Variants in VWA3A observed in about 807,000 individuals in gnomAD.
VWA3A encodes the protein von Willebrand factor A domain-containing protein 3A.
A neutral mutation model predicts 160.4 loss-of-function variants in VWA3A; 134 were observed. The ratio of observed to expected loss-of-function variants is 0.84; its 90% confidence interval spans 0.73 to 0.96. The LOEUF is 0.96. Ranked by LOEUF, VWA3A falls within the 40% of genes least tolerant of loss-of-function variation. VWA3A has a pLI of 0.00. For synonymous variants in VWA3A, 476 were observed against 543.4 expected (o/e 0.88, Z 1.72); for missense variants, 1,310 against 1,447.9 (o/e 0.90, Z 1.55).
chr16:22,144,401 A>G lies in VWA3A; in HGVS notation c.2730+17A>G. The G allele has an allele frequency of 6.2e-7, 1 of 1,610,328 alleles. No homozygotes were observed. The highest frequency in any genetic ancestry group is 1.1e-5 in the South Asian group (1 of 90,302). ...GAGATCCATGTAAGTCACAATTTTC[A>G]TCATCGTCTTTTTTTTCTCCCCCAA... On this transcript the variant is annotated intron_variant, in intron 26 of 33. Coordinates refer to ENST00000389398, the MANE Select transcript of VWA3A (RefSeq NM_173615.5).
intron 3 of VWA3A, 139 bp downstream of exon 3, chr16:22,097,834 T>A: frequency 8.4e-7 from 1 of 1,188,488 alleles, no homozygotes; most frequent in East Asian, 2.6e-5. Context: ...TTATCTCTAA[T>A]CCTCTGCCTT....
At chr16:22,143,074 T>G (rs1221019477) in intron 25 of VWA3A, among the ~76,000 whole-genome samples, 1 of 147,440 alleles carries the variant, frequency 6.8e-6, no homozygotes, top group Non-Finnish European at 1.5e-5. Context: ...CACTTGAAAC[T>G]GGGAGGTGGA....
At chr16:22,092,707 C>T in intron 1 of VWA3A, 56 bp downstream of exon 1, 1 of 1,546,564 alleles carries the variant, frequency 6.5e-7, no homozygotes, top group Non-Finnish European at 8.7e-7. Flanking sequence ...TCGGGGAGGC[C>T]AGATACTAAG....
In VWA3A at chr16:22,152,424, G is replaced by A. The variant is rs188653586; in HGVS notation, c.3282-87G>A. 1,510 of 1,537,430 alleles carry A rather than the reference G, an allele frequency of 9.8e-4. 13 individuals carry two copies. In the African/African-American group the frequency reaches 0.018, roughly 19 times the overall value. ...AGGCTGATTTCTCTTAAGCCCCACG[G>A]ACTTAAGTTCCCCATGGACGTGGGG... On this transcript the variant is annotated intron_variant, in intron 30 of 33. Transcript: ENST00000389398.
intron 3 of VWA3A, among the ~76,000 whole-genome samples, chr16:22,098,198 C>T (rs1005308929): frequency 6.6e-6 from 1 of 152,174 alleles, no homozygotes; most frequent in African/African-American, 2.4e-5. Context: ...CAGTGGCAAT[C>T]AGTGGTTGCC....
At chr16:22,138,899 G>T (rs1277186465) in intron 22 of VWA3A, among the ~76,000 whole-genome samples, 2 of 152,096 alleles carry the variant, frequency 1.3e-5, no homozygotes, top group Non-Finnish European at 2.9e-5. Context: ...ACTTTGCAGA[G>T]GCTGATAGGA....
At position 22,150,818 on chromosome 16, in the gene VWA3A, C is replaced by T. The variant is rs764263648; in HGVS notation, c.3253C>T (p.His1085Tyr). ...KLREKRDVKV[H>Y]TISLNCSDRA... ...CAGGGAGAAAAGAGATGTGAAAGTGCACACCATTTCCTTGAACTGCTCAGA... is the reference window on the plus strand; with the variant it reads ...CAGGGAGAAAAGAGATGTGAAAGTGTACACCATTTCCTTGAACTGCTCAGA... Residue 1085 changes from histidine to tyrosine, a missense_variant, in exon 30 of 34, where the codon CAC becomes TAC. His to Tyr is a moderately conservative substitution (Grantham distance 83). Coordinates refer to ENST00000389398, the MANE Select transcript of VWA3A (RefSeq NM_173615.5). 1 of 1,613,516 alleles carries T rather than the reference C, an allele frequency of 6.2e-7. No individual in the cohort carries two copies. Among genetic ancestry groups the T allele is most frequent in the South Asian group, 1.1e-5 (1 of 90,912 alleles).
At chr16:22,146,367 A>T (rs1487942598) in intron 27 of VWA3A, 23 bp downstream of exon 27, 2 of 1,601,454 alleles carry the variant, frequency 1.2e-6, no homozygotes, top group Non-Finnish European at 1.7e-6. Context: ...ACTGCCCTGA[A>T]GGGTGGAGGA....
intron 6 of VWA3A, among the ~76,000 whole-genome samples, chr16:22,107,761 G>A (rs1471515411): frequency 6.6e-6 from 1 of 152,134 alleles, no homozygotes; most frequent in Non-Finnish European, 1.5e-5. Context: ...TAAGCCTGGA[G>A]TGGGACCTGA....
At chr16:22,115,923 A>AAGGAAGGAAGGAAGGAAGGAAGG (rs1156229417) in intron 9 of VWA3A, among the ~76,000 whole-genome samples, 3 of 19,560 alleles carry the variant, frequency 1.5e-4, no homozygotes, top group Admixed American at 6.3e-4. Flanking sequence ...GGAAGGAAGG[A>AAGGAAGGAAGGAAGGAAGGAAGG]AAGGAAAGGA....
In VWA3A at chr16:22,149,829, G is replaced by A; in HGVS notation, c.3027G>A (p.Gln1009=). Residue 1009 remains glutamine, a synonymous_variant, in exon 29 of 34, where the codon CAG becomes CAA. Transcript: ENST00000389398. ...LSFAESFQSW[Q]DTLVETTDAA... ...TTGCAGAGAGCTTTCAGTCATGGCA[G>A]GACACGCTGGTGGAGACCACAGATG... 6.2e-7 allele frequency: 1 copy of A among 1,603,430 alleles called. No homozygotes were observed. The highest frequency in any genetic ancestry group is 1.1e-5 in the South Asian group (1 of 88,738).
chr16:22,129,430 T>C lies in VWA3A; in HGVS notation c.1653-1775T>C, dbSNP rs1598081258. ...AGAAAGAAAGAAAGAAAGAAAGAGGTGCATGGAAGAGATTTTGGGGAGTTA... is the reference window on the plus strand; with the variant it reads ...AGAAAGAAAGAAAGAAAGAAAGAGGCGCATGGAAGAGATTTTGGGGAGTTA... On this transcript the variant is annotated intron_variant, in intron 17 of 33. Transcript: ENST00000389398. Among the ~76,000 whole-genome samples the C allele has an allele frequency of 4.5e-5, 6 of 132,846 alleles. No homozygotes were observed. In the South Asian group the frequency reaches 1.4e-3, roughly 32 times the overall value. The allele number at this position is 132,846 out of a possible 152,430, so 87.2% of individuals were successfully genotyped here.
intron 25 of VWA3A, among the ~76,000 whole-genome samples, chr16:22,143,250 A>T (rs1175847410): frequency 3.3e-5 from 5 of 152,030 alleles, no homozygotes; most frequent in Admixed American, 2.0e-4. Flanking sequence ...TAGGTCTGCC[A>T]CTTCCTGCCT....
At chr16:22,131,040 T>C (rs1341383081) in intron 17 of VWA3A, among the ~76,000 whole-genome samples, 165 bp from the exon 18 acceptor site, 1 of 152,154 alleles carries the variant, frequency 6.6e-6, no homozygotes, top group Non-Finnish European at 1.5e-5. Context: ...TTGGGACATA[T>C]GACCCACAAG....
chr16:22,120,201 T>A (rs2045709031), intron 12 of VWA3A, among the ~76,000 whole-genome samples: 2 of 152,118 alleles, frequency 1.3e-5, no homozygotes, highest in South Asian at 2.1e-4. Context: ...AGAAATAGAT[T>A]GAGTTTGGAT....
At chr16:22,129,319 G>A (rs543200291) in intron 17 of VWA3A, among the ~76,000 whole-genome samples, 3 of 151,022 alleles carry the variant, frequency 2.0e-5, no homozygotes, top group African/African-American at 7.3e-5. Context: ...AACCTGGGAG[G>A]TGGAGCTTGC....
rs367897021 is a variant in VWA3A at position 22,149,972 on chromosome 16, T to C, written c.3129+41T>C. 3.1e-5 allele frequency: 49 copies of C among 1,571,434 alleles called. 1 individual carries two copies. In the African/African-American group the frequency reaches 5.7e-4, roughly 18 times the overall value. ...GAGCCCGACCTTGACGCAAAACAAA[T>C]ACCATCATCCCCTATGCTGATGCTG... On this transcript the variant is annotated intron_variant, in intron 29 of 33. Coordinates refer to ENST00000389398, the MANE Select transcript of VWA3A (RefSeq NM_173615.5).
chr16:22,100,841 C>CA (rs767100971), intron 5 of VWA3A, among the ~76,000 whole-genome samples: 1,239 of 87,672 alleles, frequency 0.014, 10 homozygotes, highest in African/African-American at 0.032. Context: ...AACTCTGTCT[C>CA]AAAAAAAAAA....
intron 13 of VWA3A, 79 bp downstream of exon 13, chr16:22,121,182 A>C: frequency 6.3e-7 from 1 of 1,595,158 alleles, no homozygotes; most frequent in Non-Finnish European, 8.5e-7. Context: ...ACAGTGGCTC[A>C]CACCTGCAAT....
Sources: allele counts gnomAD v4.1 joint callset (sites outside exome capture counted in the v4.1 genomes callset), GRCh38; gene constraint gnomAD v4.1.1; transcripts MANE v1.5; gene names NCBI Gene and HGNC (gene_info 2026-07-23, HGNC 2026-07-21).